The following CD86 variants were observed in gnomAD, a reference collection of about 807,000 sequenced individuals.
CD86 encodes T-lymphocyte activation antigen CD86.
CD86 carries 11 observed loss-of-function variants against 32.1 expected under a neutral mutation model. That is an observed-to-expected ratio of 0.34 (90% CI 0.22 to 0.57). The LOEUF is 0.57. Ranked by LOEUF, CD86 falls within the 20% of genes least tolerant of loss-of-function variation. CD86 has a pLI of 0.86. For synonymous variants in CD86, 137 were observed against 135.3 expected (o/e 1.01, Z -0.09); for missense variants, 359 against 398.4 (o/e 0.90, Z 0.84).
chr3:122,088,415 A>G (rs2072760089), intron 1 of CD86, among the ~76,000 whole-genome samples: 1 of 152,150 alleles, frequency 6.6e-6, no homozygotes, highest in African/African-American at 2.4e-5. Context: ...GAAAATTAAT[A>G]CTTTGTGACT....
rs548199119 is a variant in CD86 at position 122,074,925 on chromosome 3, C to T, written c.15-16676C>T. ...CAAGGAACTGATCTTCTCCACTGGG[C>T]TCGGCCTCTGGTCAGCCAAGGACAA... On this transcript the variant is annotated intron_variant, in intron 1 of 6. Coordinates refer to ENST00000330540, the MANE Select transcript of CD86 (RefSeq NM_175862.5). Among the ~76,000 whole-genome samples the T allele has an allele frequency of 1.8e-4, 27 of 152,276 alleles. No individual in the cohort carries two copies. In the South Asian group the frequency reaches 5.2e-3, roughly 29 times the overall value.
At chr3:122,107,031 C>T (rs1046786625) in intron 4 of CD86, among the ~76,000 whole-genome samples, 5 of 152,086 alleles carry the variant, frequency 3.3e-5, no homozygotes, top group Non-Finnish European at 5.9e-5. Context: ...ACATGAAAAA[C>T]TGGATTTTTA....
At chr3:122,089,628 C>T (rs775674204) in intron 1 of CD86, among the ~76,000 whole-genome samples, 18 of 152,182 alleles carry the variant, frequency 1.2e-4, no homozygotes, top group South Asian at 4.1e-4. Flanking sequence ...AGAGCATAAA[C>T]GTATAATCTC....
intron 5 of CD86, among the ~76,000 whole-genome samples, chr3:122,116,254 G>T (rs941185622): frequency 2.0e-5 from 3 of 152,102 alleles, no homozygotes; most frequent in African/African-American, 7.2e-5. Flanking sequence ...TCTGATAAAG[G>T]ACTTGTATCC....
chr3:122,119,620 AGGC>A lies in CD86; in HGVS notation c.*87_*89del. The A allele has an allele frequency of 1.2e-6, 1 of 820,982 alleles. No homozygotes were observed. The highest frequency in any genetic ancestry group is 2.2e-5 in the Admixed American group (1 of 45,734). The allele number at this position is 820,982 out of a possible 1,614,324, so 50.9% of individuals were successfully genotyped here. On this transcript the variant is annotated 3_prime_UTR_variant, in exon 7 of 7. Transcript: ENST00000330540. The stretch of plus-strand genomic sequence containing the variant: ...GGCAACCTTTTTGATTTCTTCCAGA[AGGC>A]AAAAAGACATTACCATGAGTAATAA...
intron 1 of CD86, among the ~76,000 whole-genome samples, chr3:122,062,842 A>G (rs2715275): frequency 0.16 from 24,342 of 152,216 alleles, 2,101 homozygotes; most frequent in Non-Finnish European, 0.2. Context: ...TTTAGGACTC[A>G]CATTCTTTGC....
At position 122,118,140 on chromosome 3, in the gene CD86, A is replaced by T. The variant is rs1191268223; in HGVS notation, c.893+47A>T. ...TTGATGAGAGAGAGGTATAATCCCCAGAGTGCCTGTTACTTGAATAGGCTT... is the reference window on the plus strand; with the variant it reads ...TTGATGAGAGAGAGGTATAATCCCCTGAGTGCCTGTTACTTGAATAGGCTT... On this transcript the variant is annotated intron_variant, in intron 6 of 6. Transcript: ENST00000330540. 2.7e-6 allele frequency: 4 copies of T among 1,508,096 alleles called. No homozygotes were observed. In the East Asian group the frequency reaches 9.1e-5, roughly 34 times the overall value. 93.4% of individuals were successfully genotyped at this position (1,508,096 alleles called of 1,614,324 possible).
intron 2 of CD86, among the ~76,000 whole-genome samples, chr3:122,095,324 C>A (rs966721003): frequency 6.6e-6 from 1 of 151,920 alleles, no homozygotes; most frequent in Non-Finnish European, 1.5e-5. Context: ...CCTACCACCA[C>A]AAAATACAAA....
chr3:122,075,409 A>G (rs1046320908), intron 1 of CD86, among the ~76,000 whole-genome samples: 2 of 152,248 alleles, frequency 1.3e-5, no homozygotes, highest in African/African-American at 2.4e-5. Flanking sequence ...AGGATAAAAT[A>G]ATATGTTCTG....
At chr3:122,115,773 A>G (rs2073240781) in intron 5 of CD86, among the ~76,000 whole-genome samples, 1 of 150,118 alleles carries the variant, frequency 6.7e-6, no homozygotes, top group South Asian at 2.1e-4. Flanking sequence ...AAAAAGAACA[A>G]AGGTGGACTT....
At chr3:122,056,331 T>C (rs943496042) in intron 1 of CD86, among the ~76,000 whole-genome samples, 4 of 152,262 alleles carry the variant, frequency 2.6e-5, no homozygotes, top group African/African-American at 9.6e-5. Context: ...TATGTATTTA[T>C]TTATTTTTAA....
rs529149030 is a variant in CD86, at chr3:122,067,863, A to C, written c.14+12360A>C. Reference sequence around the variant, plus strand: ...GGAGTAATGCCTCTTGTGTGGTGGCAGACCCTTCAAGTCTTCCAGATAAAG... The same window carrying C: ...GGAGTAATGCCTCTTGTGTGGTGGCCGACCCTTCAAGTCTTCCAGATAAAG... On this transcript the variant is annotated intron_variant, in intron 1 of 6. Transcript: ENST00000330540. Among the ~76,000 whole-genome samples the C allele has an allele frequency of 2.0e-5, 3 of 152,338 alleles. No individual in the cohort carries two copies. In the South Asian group the frequency reaches 6.2e-4, roughly 32 times the overall value.
chr3:122,109,939 A>C (rs1024146360), intron 5 of CD86, among the ~76,000 whole-genome samples: 1 of 152,240 alleles, frequency 6.6e-6, no homozygotes, highest in African/African-American at 2.4e-5. Flanking sequence ...CATATATACC[A>C]AAAATAAAAT....
intron 2 of CD86, among the ~76,000 whole-genome samples, chr3:122,100,069 A>G (rs1373412069): frequency 1.3e-5 from 2 of 152,176 alleles, no homozygotes; most frequent in Admixed American, 6.5e-5. Context: ...GTTATGTCAT[A>G]AGAAGGTGGG....
chr3:122,073,282 C>G (rs2072514577), intron 1 of CD86, among the ~76,000 whole-genome samples: 2 of 151,568 alleles, frequency 1.3e-5, no homozygotes, highest in African/African-American at 2.4e-5. Flanking sequence ...TGCTGACCAC[C>G]TTTTCATATG....
chr3:122,109,478 C>T (rs1206411263), intron 5 of CD86, 70 bp downstream of exon 5: 21 of 1,568,600 alleles, frequency 1.3e-5, no homozygotes, highest in South Asian at 1.0e-4. Flanking sequence ...GGCTGCCTTC[C>T]GGAGCTTGTT....
At chr3:122,087,057 T>C in intron 1 of CD86, among the ~76,000 whole-genome samples, 1 of 152,212 alleles carries the variant, frequency 6.6e-6, no homozygotes, top group African/African-American at 2.4e-5. Flanking sequence ...TCTCACCCTG[T>C]TGTGAGCAGT....
chr3:122,118,446 A>G (rs2073290833), intron 6 of CD86, among the ~76,000 whole-genome samples: 1 of 152,188 alleles, frequency 6.6e-6, no homozygotes, highest in Admixed American at 6.5e-5. Context: ...GGAATGAATA[A>G]ATGAAGAAGT....
intron 4 of CD86, 50 bp downstream of exon 4, chr3:122,106,550 T>C (rs769305544): frequency 6.8e-7 from 1 of 1,461,994 alleles, no homozygotes; most frequent in South Asian, 1.3e-5. Context: ...TATACACAAA[T>C]GCTTAAGGCA....
Sources: allele counts gnomAD v4.1 joint callset (sites outside exome capture counted in the v4.1 genomes callset), GRCh38; gene constraint gnomAD v4.1.1; transcripts MANE v1.5; gene names NCBI Gene and HGNC (gene_info 2026-07-23, HGNC 2026-07-21).